The following DERA variants were observed in gnomAD, a reference collection of about 807,000 sequenced individuals.
DERA encodes the protein 2-deoxy-D-ribose 5-phosphate aldolase.
A neutral mutation model predicts 41.1 loss-of-function variants in DERA; 15 were observed. That is an observed-to-expected ratio of 0.37 (90% CI 0.24 to 0.56). DERA has a LOEUF of 0.56. Among genes scored for constraint, DERA ranks in the 20% least tolerant of loss-of-function variants. DERA has a pLI of 0.81. For missense variants in DERA, 396 were observed against 403.4 expected (o/e 0.98, Z 0.16); for synonymous variants, 139 against 137.4 (o/e 1.01, Z -0.08).
intron 6 of DERA, among the ~76,000 whole-genome samples, chr12:16,029,913 CTTTTTTTTTTTT>C (rs71438364): frequency 5.0e-5 from 3 of 59,688 alleles, no homozygotes; most frequent in African/African-American, 1.3e-4. Context: ...TAGCCTTGGT[CTTTTTTTTTTTT>C]TTTTTTTTTT....
Position 16,011,149 on chromosome 12 carries a change from A to G in DERA, c.638-21393A>G, listed in dbSNP as rs1385430560. Among the ~76,000 whole-genome samples the G allele has an allele frequency of 1.3e-5, 2 of 152,184 alleles. No homozygotes were observed. Among genetic ancestry groups the G allele is most frequent in the Non-Finnish European group, 2.9e-5 (2 of 68,028 alleles). Reference sequence around the variant, plus strand: ...AGCATACCTGACTTTTAATGTTAATATATACTATATATTCCAAACTTGCTA... The same window carrying G: ...AGCATACCTGACTTTTAATGTTAATGTATACTATATATTCCAAACTTGCTA... On this transcript the variant is annotated intron_variant, in intron 6 of 8. Coordinates refer to ENST00000428559, the MANE Select transcript of DERA (RefSeq NM_015954.4). This position sits in a 1 kb window ranked among gnomAD's most constrained non-coding sequence, Gnocchi z 4.7.
intron 1 of DERA, among the ~76,000 whole-genome samples, chr12:15,945,493 T>C (rs1948440335): frequency 6.6e-6 from 1 of 152,354 alleles, no homozygotes; most frequent in South Asian, 2.1e-4. Context: ...TTTGAAGCAA[T>C]AGTGAATGGG....
At chr12:15,960,347 T>G (rs916098556) in intron 4 of DERA, among the ~76,000 whole-genome samples, 1 of 150,502 alleles carries the variant, frequency 6.6e-6, no homozygotes, top group Non-Finnish European at 1.5e-5. Context: ...ATAATAATAA[T>G]GATATGCGGG....
chr12:16,013,032 C>T lies in DERA; in HGVS notation c.638-19510C>T, dbSNP rs905073515. 1.3e-5 allele frequency among the ~76,000 whole-genome samples: 2 copies of T among 152,108 alleles called. No homozygotes were observed. The highest frequency in any genetic ancestry group is 2.1e-4 in the South Asian group (1 of 4,828). ...GTGTAACTATCATATTGGACTATGA[C>T]GTGCAGCCCTAGACAAATCAGTAGA... On this transcript the variant is annotated intron_variant, in intron 6 of 8. Transcript: ENST00000428559. The surrounding 1 kb of genome is among the most constrained non-coding windows in gnomAD (Gnocchi z 5.8).
chr12:16,002,567 A>G (rs1260617921), intron 6 of DERA, among the ~76,000 whole-genome samples: 1 of 152,086 alleles, frequency 6.6e-6, no homozygotes, highest in Non-Finnish European at 1.5e-5. Context: ...TCACGTACTC[A>G]TCTCCTCATG....
At chr12:15,948,197 C>T (rs1004407636) in intron 1 of DERA, among the ~76,000 whole-genome samples, 42 of 152,088 alleles carry the variant, frequency 2.8e-4, no homozygotes, top group Non-Finnish European at 4.6e-4. Flanking sequence ...TTGCTCTTCT[C>T]GAGGAGTATC....
chr12:15,944,343 C>A (rs1289409128), intron 1 of DERA, among the ~76,000 whole-genome samples: 4 of 152,226 alleles, frequency 2.6e-5, no homozygotes, highest in Admixed American at 6.5e-5. Flanking sequence ...ACACTCCCAA[C>A]AACAGTGTAA....
intron 5 of DERA, among the ~76,000 whole-genome samples, chr12:15,974,093 A>G (rs1948681911): frequency 6.6e-6 from 1 of 152,118 alleles, no homozygotes; most frequent in African/African-American, 2.4e-5. Context: ...TATTATATAC[A>G]TATTTTTCTG....
chr12:15,996,409 C>T lies in DERA; in HGVS notation c.637+13973C>T, dbSNP rs551934632. Among the ~76,000 whole-genome samples the T allele has an allele frequency of 1.6e-4, 24 of 152,098 alleles. No individual in the cohort carries two copies. Among genetic ancestry groups the T allele is most frequent in the African/African-American group, 5.6e-4 (23 of 41,414 alleles). ...GCTCCCTCTGAAACCTGTAGGCAAG[C>T]CCTTCTTGCTTATTCTGGCTTCTGG... On this transcript the variant is annotated intron_variant, in intron 6 of 8. Coordinates refer to ENST00000428559, the MANE Select transcript of DERA (RefSeq NM_015954.4). This position sits in a 1 kb window ranked among gnomAD's most constrained non-coding sequence, Gnocchi z 4.7.
At chr12:15,987,498 A>G (rs1290338715) in intron 6 of DERA, among the ~76,000 whole-genome samples, 2 of 151,900 alleles carry the variant, frequency 1.3e-5, no homozygotes, top group African/African-American at 2.4e-5. Context: ...TGACCTCCCA[A>G]AGTGCTGGGA....
rs1948748818 is a variant in DERA, at chr12:15,984,033, G to A, written c.637+1597G>A. ...TGTACAGGTAGCCCCCCTTTATGCTGCTTGCCAGCACAAGTGATTGTTAGC... is the reference window on the plus strand; with the variant it reads ...TGTACAGGTAGCCCCCCTTTATGCTACTTGCCAGCACAAGTGATTGTTAGC... On this transcript the variant is annotated intron_variant, in intron 6 of 8. Transcript: ENST00000428559. This position sits in a 1 kb window ranked among gnomAD's most constrained non-coding sequence, Gnocchi z 4.5. Among the ~76,000 whole-genome samples the A allele has an allele frequency of 6.6e-6, 1 of 152,168 alleles. No individual in the cohort carries two copies.
rs73059216 is a variant in DERA, at chr12:16,008,822, C to T, written c.638-23720C>T. ...AAGAAAAGCAATGAAGGTGCCATTT[C>T]GTATTGAAGGAAATAGTTTAACAGG... On this transcript the variant is annotated intron_variant, in intron 6 of 8. Coordinates refer to ENST00000428559, the MANE Select transcript of DERA (RefSeq NM_015954.4). This position sits in a 1 kb window ranked among gnomAD's most constrained non-coding sequence, Gnocchi z 4.8. Among the ~76,000 whole-genome samples the T allele has an allele frequency of 1.6e-3, 248 of 152,188 alleles. 1 individual carries two copies. The highest frequency in any genetic ancestry group is 4.4e-3 in the South Asian group (21 of 4,816).
At chr12:15,951,643 A>T (rs1232281054) in intron 1 of DERA, among the ~76,000 whole-genome samples, 1 of 152,234 alleles carries the variant, frequency 6.6e-6, no homozygotes, top group African/African-American at 2.4e-5. Flanking sequence ...TCTTTGTAAG[A>T]ATGTTTAAAT....
chr12:16,028,106 A>G (rs1255487367), intron 6 of DERA, among the ~76,000 whole-genome samples: 2 of 152,236 alleles, frequency 1.3e-5, no homozygotes, highest in Admixed American at 6.5e-5. Flanking sequence ...GAGCATACCT[A>G]GCACCCATAT....
rs78378772 is a variant in DERA, at chr12:15,993,256, T to TA, written c.637+10827dup. Among the ~76,000 whole-genome samples, 9,923 of 151,994 alleles carry TA rather than the reference T, an allele frequency of 0.065. 1,042 individuals carry two copies. Among genetic ancestry groups the TA allele is most frequent in the African/African-American group, 0.22 (9,137 of 41,454 alleles). On this transcript the variant is annotated intron_variant, in intron 6 of 8. Transcript: ENST00000428559. The surrounding 1 kb of genome is among the most constrained non-coding windows in gnomAD (Gnocchi z 4.4). The stretch of plus-strand genomic sequence containing the variant: ...CTATGACTGAATGAAACCAAAACAC[T>TA]AAAAAAATGTGGTGATTAATAGGAA...
rs1948932248 is a variant in DERA at position 16,009,226 on chromosome 12, T to C, written c.638-23316T>C. On this transcript the variant is annotated intron_variant, in intron 6 of 8. Coordinates refer to ENST00000428559, the MANE Select transcript of DERA (RefSeq NM_015954.4). This position sits in a 1 kb window ranked among gnomAD's most constrained non-coding sequence, Gnocchi z 5.3. ...AATCAGAATGAACTAGAATCTAAGA[T>C]GCTTTTGGGTGAGTAGCAGAAGAGA... 6.6e-6 allele frequency among the ~76,000 whole-genome samples: 1 copy of C among 152,192 alleles called. No homozygotes were observed. Among genetic ancestry groups the C allele is most frequent in the Non-Finnish European group, 1.5e-5 (1 of 68,030 alleles).
At position 15,970,426 on chromosome 12, in the gene DERA, G is replaced by C. The variant is rs977678350; in HGVS notation, c.508+7479G>C. On this transcript the variant is annotated intron_variant, in intron 5 of 8. Coordinates refer to ENST00000428559, the MANE Select transcript of DERA (RefSeq NM_015954.4). The surrounding 1 kb of genome is among the most constrained non-coding windows in gnomAD (Gnocchi z 4.3). ...TATAAGTTTTATTAACAGAGTTTTT[G>C]ATGTCTAGAGCAGTGCTTTTCCAGA... is the stretch of plus-strand genomic sequence containing the variant. Among the ~76,000 whole-genome samples, 1 of 152,106 alleles carries C rather than the reference G, an allele frequency of 6.6e-6. No homozygotes were observed. Among genetic ancestry groups the C allele is most frequent in the African/African-American group, 2.4e-5 (1 of 41,428 alleles).
At chr12:16,007,427 A>C (rs1432634182) in intron 6 of DERA, among the ~76,000 whole-genome samples, 2 of 151,980 alleles carry the variant, frequency 1.3e-5, no homozygotes. Flanking sequence ...CTAGCAGTCC[A>C]CCTGCCTCAG....
rs527370860 is a variant in DERA at position 16,020,267 on chromosome 12, G to T, written c.638-12275G>T. On this transcript the variant is annotated intron_variant, in intron 6 of 8. Transcript: ENST00000428559. The surrounding 1 kb of genome is among the most constrained non-coding windows in gnomAD (Gnocchi z 5.5). ...AGAGGAAGCAGGCATGTCTTAAATG[G>T]CTGGAGCAGGAAGAAGAGAGAGGAG... 2.0e-5 allele frequency among the ~76,000 whole-genome samples: 3 copies of T among 152,184 alleles called. No individual in the cohort carries two copies. The highest frequency in any genetic ancestry group is 4.4e-5 in the Non-Finnish European group (3 of 68,032).
Sources: gnomAD v4.1 joint callset for allele counts (sites outside exome capture counted in the v4.1 genomes callset) on GRCh38, gnomAD v4.1.1 for gene constraint, Gnocchi (gnomAD v3.1) non-coding constraint, MANE v1.5 for transcripts, NCBI Gene and HGNC (gene_info 2026-07-23, HGNC 2026-07-21) for gene names.